Variants in MYLK4 observed in about 807,000 individuals in gnomAD.
The protein encoded by MYLK4 is caMLCK like.
MYLK4 carries 46 observed loss-of-function variants against 48.1 expected under a neutral mutation model. The observed-to-expected ratio is 0.96, with a 90% confidence interval of 0.75 to 1.22. The LOEUF (loss-of-function observed/expected upper bound fraction) is 1.22. Among genes scored for constraint, MYLK4 ranks in the 50% most tolerant of loss-of-function variants. The pLI, the probability that MYLK4 is intolerant of heterozygous loss-of-function variation, is 0.00. For missense variants in MYLK4, 451 were observed against 486.1 expected (o/e 0.93, Z 0.68); for synonymous variants, 170 against 180.8 (o/e 0.94, Z 0.48).
chr6:2,706,305 C>G (rs1184336271), intron 2 of MYLK4, among the ~76,000 whole-genome samples: 2 of 151,194 alleles, frequency 1.3e-5, no homozygotes, highest in African/African-American at 2.4e-5. Flanking sequence ...GTTTTGGTAT[C>G]AGGTCGCTAT....
chr6:2,750,874 C>G lies in MYLK4; in HGVS notation c.-251G>C, dbSNP rs1764269593. 6.6e-6 allele frequency: 1 copy of G among 152,644 alleles called. No individual in the cohort carries two copies. The highest frequency in any genetic ancestry group is 1.5e-5 in the Non-Finnish European group (1 of 68,032). 9.5% of individuals were successfully genotyped at this position (152,644 alleles called of 1,614,324 possible). On this transcript the variant is annotated 5_prime_UTR_variant, in exon 1 of 13. Transcript: ENST00000274643. Reference sequence around the variant, plus strand: ...AGTTTTGACTCTCAGTCGTATAAATCTTCTGAAAAGACAAGTGTCCACTAC... The same window carrying G: ...AGTTTTGACTCTCAGTCGTATAAATGTTCTGAAAAGACAAGTGTCCACTAC...
At chr6:2,737,384 C>A (rs1763717632) in intron 2 of MYLK4, among the ~76,000 whole-genome samples, 1 of 152,206 alleles carries the variant, frequency 6.6e-6, no homozygotes, top group African/African-American at 2.4e-5. Context: ...TTTTCCAAGG[C>A]ATTTTCACAC....
At chr6:2,713,061 G>A (rs1402583585) in intron 2 of MYLK4, among the ~76,000 whole-genome samples, 1 of 152,200 alleles carries the variant, frequency 6.6e-6, no homozygotes, top group African/African-American at 2.4e-5. Flanking sequence ...ACATGTGAAA[G>A]CGCTTTTGGA....
At chr6:2,762,026 C>T in the MYLK4 span, among the ~76,000 whole-genome samples, 2 of 152,132 alleles carry the variant, frequency 1.3e-5, no homozygotes, top group Non-Finnish European at 2.9e-5. Flanking sequence ...ATTCTCCTGC[C>T]TCAGCCTTGC....
upstream of MYLK4, among the ~76,000 whole-genome samples, chr6:2,752,520 T>G (rs1255403553): frequency 6.6e-6 from 1 of 152,128 alleles, no homozygotes. Flanking sequence ...TAGACACCTT[T>G]GCATATTTTC....
chr6:2,751,673 G>C (rs773755020), upstream of MYLK4, among the ~76,000 whole-genome samples: 1 of 152,044 alleles, frequency 6.6e-6, no homozygotes, highest in Non-Finnish European at 1.5e-5. Context: ...CTCTTATTTG[G>C]AGCCTGTGTT....
chr6:2,766,141 TGGCGACGGGGACGCGGACGCGGAC>T, the MYLK4 span: 7 of 1,241,282 alleles, frequency 5.6e-6, no homozygotes, highest in Non-Finnish European at 7.2e-6. Context: ...GCGACGGCGA[TGGCGACGGGGACGCGGACGCGGAC>T]GGCGAGGACG....
chr6:2,748,867 T>G (rs1764188317), intron 2 of MYLK4, among the ~76,000 whole-genome samples: 1 of 152,216 alleles, frequency 6.6e-6, no homozygotes, highest in Non-Finnish European at 1.5e-5. Context: ...TGCTAAAGGA[T>G]TCTTCTTCAT....
At chr6:2,682,379 G>A (rs2113124508) in intron 7 of MYLK4, among the ~76,000 whole-genome samples, 1 of 133,670 alleles carries the variant, frequency 7.5e-6, no homozygotes, top group Non-Finnish European at 1.6e-5. Flanking sequence ...TGAGACATGA[G>A]AGAGGTAAAG....
At chr6:2,704,541 T>C (rs1400704664) in intron 2 of MYLK4, among the ~76,000 whole-genome samples, 1 of 152,240 alleles carries the variant, frequency 6.6e-6, no homozygotes, top group Non-Finnish European at 1.5e-5. Context: ...ATTCATTTGC[T>C]TAGTGTATAT....
intron 2 of MYLK4, among the ~76,000 whole-genome samples, chr6:2,694,563 GTAGTGGTAGTGCTGC>G (rs1761975829): frequency 1.6e-4 from 20 of 121,636 alleles, no homozygotes; most frequent in East Asian, 2.7e-4. Flanking sequence ...AGTCGTGGTG[GTAGTGGTAGTGCTGC>G]TGGTGGTGGT....
In MYLK4 at chr6:2,737,978, G is replaced by A. The variant is rs1286474683; in HGVS notation, c.159+11158C>T. On this transcript the variant is annotated intron_variant, in intron 2 of 12. Transcript: ENST00000274643. Reference sequence around the variant, plus strand: ...CTGCTGGGGGTGGGGTGCCGGGGGCGGGTGGGGGGGGGGTGGTCAATGTTA... The same window carrying A: ...CTGCTGGGGGTGGGGTGCCGGGGGCAGGTGGGGGGGGGGTGGTCAATGTTA... 1.3e-4 allele frequency among the ~76,000 whole-genome samples: 9 copies of A among 71,148 alleles called. 1 individual carries two copies. Among genetic ancestry groups the A allele is most frequent in the African/African-American group, 4.1e-4 (8 of 19,594 alleles). The allele number at this position is 71,148 out of a possible 152,430, so 46.7% of individuals were successfully genotyped here.
chr6:2,670,521 C>T (rs569319805), intron 12 of MYLK4, among the ~76,000 whole-genome samples: 8 of 152,240 alleles, frequency 5.3e-5, no homozygotes, highest in East Asian at 3.9e-4. Context: ...TCTAGGCCCC[C>T]GGCAAGGACA....
chr6:2,765,697 G>A, the MYLK4 span: 1 of 1,549,106 alleles, frequency 6.5e-7, no homozygotes, highest in Non-Finnish European at 8.7e-7. Flanking sequence ...TGTGCCAGCA[G>A]ATGATGCCCG....
upstream of MYLK4, among the ~76,000 whole-genome samples, chr6:2,751,977 G>T (rs115170034): frequency 4.1e-3 from 623 of 152,276 alleles, 3 homozygotes; most frequent in African/African-American, 0.013. Context: ...CTGGTTTGAG[G>T]TTACCAATTT....
At chr6:2,719,194 G>A (rs6596906) in intron 2 of MYLK4, among the ~76,000 whole-genome samples, 129,730 of 152,186 alleles carry the variant, frequency 0.85, 55,388 homozygotes, top group Admixed American at 0.89. Context: ...TACATTCCTG[G>A]ATCACATCCA....
intron 3 of MYLK4, among the ~76,000 whole-genome samples, chr6:2,691,437 A>C (rs1175404599): frequency 2.0e-5 from 3 of 152,238 alleles, no homozygotes; most frequent in African/African-American, 7.2e-5. Flanking sequence ...CATAACTTAG[A>C]GTAGTTCATT....
At chr6:2,749,674 A>C (rs186226492) in intron 1 of MYLK4, among the ~76,000 whole-genome samples, 278 of 152,358 alleles carry the variant, frequency 1.8e-3, no homozygotes, top group African/African-American at 6.4e-3. Flanking sequence ...CTTATTGCAC[A>C]AAACAAGCCG....
chr6:2,666,447 A>T lies in MYLK4; in HGVS notation c.*1478T>A, dbSNP rs1393570764. ...CGGGAGGCTGCAGGAGAATCGCTTG[A>T]ACCTGGGAGGCGGAGGTTGCAGTGA... is the stretch of plus-strand genomic sequence containing the variant. On this transcript the variant is annotated 3_prime_UTR_variant, in exon 13 of 13. Coordinates refer to ENST00000274643, the MANE Select transcript of MYLK4 (RefSeq NM_001012418.5). 2 of 152,212 alleles carry T rather than the reference A, an allele frequency of 1.3e-5. No homozygotes were observed. Among genetic ancestry groups the T allele is most frequent in the Admixed American group, 6.5e-5 (1 of 15,278 alleles). 9.4% of individuals were successfully genotyped at this position (152,212 alleles called of 1,614,324 possible). A position where few individuals can be genotyped will look rare whatever the true frequency, so the allele number is the denominator to read the frequency against.
Sources: gnomAD v4.1 joint callset for allele counts (sites outside exome capture counted in the v4.1 genomes callset) on GRCh38, gnomAD v4.1.1 for gene constraint, MANE v1.5 for transcripts, NCBI Gene and HGNC (gene_info 2026-07-23, HGNC 2026-07-21) for gene names.